Variants in RTEL1 observed in about 807,000 individuals in gnomAD.
RTEL1 encodes regulator of telomere length.
Under a neutral mutation model 162.2 loss-of-function variants are expected in RTEL1, and 86 were observed. The observed-to-expected ratio is 0.53, with a 90% CI of 0.45 to 0.63. The LOEUF (loss-of-function observed/expected upper bound fraction) is 0.63. RTEL1 is among the 30% of genes least tolerant of loss of function. The pLI is 0.00. For missense variants in RTEL1, 1,941 were observed against 1,750.2 expected, an observed-to-expected ratio of 1.11 and a Z score of -1.95; for synonymous variants, 958 against 717.9, an observed-to-expected ratio of 1.33 and a Z score of -5.35.
chr20:63,690,454 A>G lies in RTEL1; in HGVS notation c.2413+13A>G. The G allele has an allele frequency of 7.9e-7, 1 of 1,258,726 alleles. No individual in the cohort carries two copies. The highest frequency in any genetic ancestry group is 4.3e-5 in the East Asian group (1 of 23,512). The allele number at this position is 1,258,726 out of a possible 1,614,324, so 78.0% of individuals were successfully genotyped here. On this transcript the variant is annotated intron_variant, in intron 26 of 34. Transcript: ENST00000360203. ...CAGAGGTCCTCAGGTGCGGACGGGC[A>G]GCGCTGGGTGGGCGGTGTGGGGGTG...
chr20:63,658,359 ACT>A lies in RTEL1; in HGVS notation c.-275_-274del, dbSNP rs1196878651. On this transcript the variant is annotated 5_prime_UTR_variant, in exon 1 of 35. Coordinates refer to ENST00000360203, the MANE Select transcript of RTEL1 (RefSeq NM_001283009.2). ...CGACTGCGCGCCTCTGCCCGCGAAA[ACT>A]CTGAGCTGGCTGACAGCTGGGGACG... 5 of 152,282 alleles carry A rather than the reference ACT, an allele frequency of 3.3e-5. No individual in the cohort carries two copies. The highest frequency in any genetic ancestry group is 1.2e-4 in the African/African-American group (5 of 41,414). 9.4% of individuals were successfully genotyped at this position (152,282 alleles called of 1,614,324 possible).
Position 63,695,881 on chromosome 20 carries a change from C to T in RTEL1, c.*23C>T. The T allele has an allele frequency of 6.4e-7, 1 of 1,559,460 alleles. No individual in the cohort carries two copies. The highest frequency in any genetic ancestry group is 8.7e-7 in the Non-Finnish European group (1 of 1,152,766). On this transcript the variant is annotated 3_prime_UTR_variant, in exon 35 of 35. Coordinates refer to ENST00000360203, the MANE Select transcript of RTEL1 (RefSeq NM_001283009.2). ...TGAGTGCCCACGGAGGCCCCCAGCA[C>T]ACCCAACGTGGCTTGATCACCTGCC...
intron 14 of RTEL1, among the ~76,000 whole-genome samples, chr20:63,683,340 G>A (rs1004150747): frequency 6.6e-6 from 1 of 152,216 alleles, no homozygotes; most frequent in East Asian, 1.9e-4. Context: ...CAGCGTGGGG[G>A]TGAACTTGTT....
chr20:63,685,435 C>T (rs2090570928), intron 14 of RTEL1, 88 bp from the exon 15 acceptor site: 8 of 1,358,180 alleles, frequency 5.9e-6, no homozygotes, highest in South Asian at 5.1e-5. Flanking sequence ...CCCTGGGTGT[C>T]CTGTGACCTT....
At chr20:63,678,640 C>T (rs1157064392) in intron 12 of RTEL1, among the ~76,000 whole-genome samples, 6 of 145,426 alleles carry the variant, frequency 4.1e-5, no homozygotes, top group Non-Finnish European at 6.0e-5. Flanking sequence ...ACAGCACACA[C>T]ACTCCCACGG....
intron 30 of RTEL1, 95 bp downstream of exon 30, chr20:63,693,378 T>G: frequency 1.4e-6 from 2 of 1,473,800 alleles, no homozygotes; most frequent in East Asian, 4.6e-5. Context: ...CCTCGGGCCC[T>G]GCTTGGCCCC....
chr20:63,667,049 C>T (rs974578810), intron 7 of RTEL1, among the ~76,000 whole-genome samples: 16 of 149,886 alleles, frequency 1.1e-4, no homozygotes, highest in Admixed American at 6.6e-5. Flanking sequence ...CCGTGTTAGC[C>T]AGGATGGTCT....
At position 63,690,351 on chromosome 20, in the gene RTEL1, A is replaced by G. The variant is rs2090705775; in HGVS notation, c.2323A>G (p.Ser775Gly). 9.9e-6 allele frequency: 16 copies of G among 1,611,838 alleles called. No individual in the cohort carries two copies. In the East Asian group the frequency reaches 3.6e-4, roughly 36 times the overall value. ...CAGTGTGCGTGGAGAAGATGCTGTC[A>G]GCGAGGCCAAGTCGCCTGGCCCCTT... ...APSVRGEDAV[S>G]EAKSPGPFFS... Residue 775 changes from serine to glycine, a missense_variant, in exon 26 of 35, where the codon AGC becomes GGC. By Grantham distance (56) the Ser-to-Gly change is moderately conservative (BLOSUM62 0). Coordinates refer to ENST00000360203, the MANE Select transcript of RTEL1 (RefSeq NM_001283009.2).
intron 10 of RTEL1, among the ~76,000 whole-genome samples, 155 bp from the exon 11 acceptor site, chr20:63,677,990 C>T (rs1020820513): frequency 6.6e-6 from 1 of 151,108 alleles, no homozygotes; most frequent in African/African-American, 2.4e-5. Flanking sequence ...CCTCTTCCTT[C>T]CCATGTTGGT....
intron 6 of RTEL1, 74 bp from the exon 7 acceptor site, chr20:63,665,930 C>A: frequency 7.0e-7 from 1 of 1,429,472 alleles, no homozygotes; most frequent in Non-Finnish European, 9.8e-7. Context: ...GCCGTTCTGT[C>A]CTGGGCATCC....
Position 63,687,623 on chromosome 20 carries a change from C to A in RTEL1, c.1349-15C>A. ...TCCTCACACTCTGTGCCCTCTGCCG[C>A]CCCCCGCCCCACAGGGAAGGTGCTG... On this transcript the variant is annotated splice_polypyrimidine_tract_variant and intron_variant, in intron 16 of 34. Transcript: ENST00000360203. 6.3e-7 allele frequency: 1 copy of A among 1,594,856 alleles called. No homozygotes were observed.
At position 63,689,738 on chromosome 20, in the gene RTEL1, C is replaced by T; in HGVS notation, c.2026-12C>T. ...AAGGGAGCCCCCGTGACCGAGCCGCCTCGCCCCACAGTTCCTCTCTGGGCA... is the reference window on the plus strand; with the variant it reads ...AAGGGAGCCCCCGTGACCGAGCCGCTTCGCCCCACAGTTCCTCTCTGGGCA... On this transcript the variant is annotated splice_polypyrimidine_tract_variant and intron_variant, in intron 23 of 34. Coordinates refer to ENST00000360203, the MANE Select transcript of RTEL1 (RefSeq NM_001283009.2). 6.2e-7 allele frequency: 1 copy of T among 1,610,106 alleles called. No homozygotes were observed. Among genetic ancestry groups the T allele is most frequent in the Non-Finnish European group, 8.5e-7 (1 of 1,178,266 alleles).
At chr20:63,667,953 C>T (rs2090169203) in intron 8 of RTEL1, among the ~76,000 whole-genome samples, 1 of 150,742 alleles carries the variant, frequency 6.6e-6, no homozygotes, top group Admixed American at 6.6e-5. Flanking sequence ...CCCCTCCCAG[C>T]ATGTGCCCGG....
intron 18 of RTEL1, 38 bp downstream of exon 18, chr20:63,688,088 TGG>T (rs2090637299): frequency 1.3e-5 from 21 of 1,611,588 alleles, no homozygotes; most frequent in Non-Finnish European, 1.6e-5. Flanking sequence ...GGGTGGGAGG[TGG>T]GGGAGCACTG....
chr20:63,660,572 C>G (rs1351616428), intron 2 of RTEL1: 2 of 152,500 alleles, frequency 1.3e-5, no homozygotes, highest in South Asian at 4.1e-4. Flanking sequence ...TTAACAGCAT[C>G]TTAGGGCAAA....
intron 31 of RTEL1, 115 bp downstream of exon 31, chr20:63,694,603 G>C (rs2090921850): frequency 1.6e-6 from 2 of 1,216,696 alleles, no homozygotes; most frequent in Admixed American, 4.4e-5. Context: ...ATCTCATGGT[G>C]GGGACTGCTC....
rs3848671 is a variant in RTEL1, at chr20:63,692,813, C to G, written c.2661C>G (p.Pro887=). Residue 887 remains proline, a synonymous_variant, in exon 29 of 35, where the codon CCC becomes CCG. Coordinates refer to ENST00000360203, the MANE Select transcript of RTEL1 (RefSeq NM_001283009.2). ...KIRLVSHPEE[P]VAGAQTDRAK... is the part of the protein sequence containing the mutation. ...GGGCCTGTGTCCTGCAGGAGGAGCCCGTGGCTGGTGCACAGACGGACAGGG... is the reference window on the plus strand; with the variant it reads ...GGGCCTGTGTCCTGCAGGAGGAGCCGGTGGCTGGTGCACAGACGGACAGGG... 6.2e-7 allele frequency: 1 copy of G among 1,610,748 alleles called. No individual in the cohort carries two copies. Among genetic ancestry groups the G allele is most frequent in the South Asian group, 1.1e-5 (1 of 91,044 alleles).
rs762854518 is a variant in RTEL1, at chr20:63,667,529, G to A, written c.675G>A (p.Pro225=). Residue 225 remains proline, a synonymous_variant, in exon 8 of 35, where the codon CCG becomes CCA. Transcript: ENST00000360203. The stretch of plus-strand genomic sequence containing the variant: ...AGCAAGCCGACATCATATTCATGCC[G>A]TACAATTACTTGTTGGATGCCAAGG... ...LKQQADIIFM[P]YNYLLDAKSR... The A allele has an allele frequency of 4.3e-5, 70 of 1,613,688 alleles. No individual in the cohort carries two copies. Among genetic ancestry groups the A allele is most frequent in the South Asian group, 2.0e-4 (18 of 91,066 alleles).
intron 28 of RTEL1, chr20:63,692,333 G>A (rs879436519): frequency 1.1e-4 from 24 of 225,950 alleles, no homozygotes; most frequent in Admixed American, 2.1e-4. Flanking sequence ...CTGGGCTGGC[G>A]AGGGCCTGGG....
Sources: gnomAD v4.1 joint callset for allele counts (sites outside exome capture counted in the v4.1 genomes callset) on GRCh38, gnomAD v4.1.1 for gene constraint, MANE v1.5 for transcripts, NCBI Gene and HGNC (gene_info 2026-07-23, HGNC 2026-07-21) for gene names.